Variants in ANO10 observed in about 807,000 individuals in gnomAD.
ANO10 encodes the protein anoctamin-10.
ANO10 carries 77 observed loss-of-function variants against 74.7 expected under a neutral mutation model. The ratio of observed to expected loss-of-function variants is 1.03; its 90% confidence interval spans 0.86 to 1.25. ANO10 has a LOEUF of 1.25. Ranked by LOEUF, ANO10 falls within the 50% of genes most tolerant of loss-of-function variation. ANO10 has a pLI of 0.00. For missense variants in ANO10, 721 were observed against 778.1 expected, an observed-to-expected ratio of 0.93 and a Z score of 0.87; for synonymous variants, 279 against 284.9, an observed-to-expected ratio of 0.98 and a Z score of 0.21.
rs753088340 is a variant in ANO10, at chr3:43,555,476, A to C, written c.1477-7T>G. 6.2e-7 allele frequency: 1 copy of C among 1,613,746 alleles called. No homozygotes were observed. The highest frequency in any genetic ancestry group is 8.5e-7 in the Non-Finnish European group (1 of 1,179,720). ...AGTAATCATCAAAGGTGCCCTGAAA[A>C]TATAAACAAGCATGCATTATTTTAA... On this transcript the variant is annotated splice_region_variant and splice_polypyrimidine_tract_variant and intron_variant, in intron 9 of 12. Transcript: ENST00000292246.
At position 43,652,811 on chromosome 3, in the gene ANO10, T is replaced by C. The variant is rs2083803026; in HGVS notation, c.-12+38706A>G. ...TATACTTGATTATAAATTATTTTTA[T>C]AATTTCTATATTAAAAATACTGTTA... On this transcript the variant is annotated intron_variant, in intron 1 of 3. Transcript: ENST00000413397. 2.0e-5 allele frequency: 3 copies of C among 152,012 alleles called. No homozygotes were observed. In the South Asian group the frequency reaches 6.2e-4, roughly 31 times the overall value. The allele number at this position is 152,012 out of a possible 1,614,324, so 9.4% of individuals were successfully genotyped here. A position where few individuals can be genotyped will look rare whatever the true frequency, so the allele number is the denominator to read the frequency against.
At chr3:43,679,708 A>T (rs1044062331) in intron 1 of ANO10, among the ~76,000 whole-genome samples, 5 of 152,198 alleles carry the variant, frequency 3.3e-5, no homozygotes, top group Admixed American at 1.3e-4. Context: ...GCAGACTGTC[A>T]CTTCACACGG....
chr3:43,513,011 G>A (rs929107253), intron 11 of ANO10, among the ~76,000 whole-genome samples: 39 of 152,186 alleles, frequency 2.6e-4, no homozygotes, highest in African/African-American at 9.4e-4. Context: ...GGCACCAGCT[G>A]TTTGCAGGAA....
chr3:43,532,298 A>T (rs1359442649), intron 11 of ANO10, among the ~76,000 whole-genome samples: 1 of 152,188 alleles, frequency 6.6e-6, no homozygotes, highest in Admixed American at 6.5e-5. Context: ...CTTTCCAAAG[A>T]TTAGGGGAGA....
intron 11 of ANO10, among the ~76,000 whole-genome samples, chr3:43,483,725 G>A (rs998582145): frequency 2.6e-5 from 4 of 152,124 alleles, no homozygotes; most frequent in African/African-American, 7.2e-5. Flanking sequence ...TACATTTTAG[G>A]GAGACAGAAG....
At chr3:43,424,381 T>C (rs928560101) in intron 12 of ANO10, 3 of 152,244 alleles carry the variant, frequency 2.0e-5, no homozygotes, top group Admixed American at 6.5e-5. Context: ...AACAGTCCTT[T>C]CCTGAAACAA....
intron 4 of ANO10, among the ~76,000 whole-genome samples, chr3:43,587,130 G>A (rs780277654): frequency 2.2e-4 from 33 of 152,032 alleles, no homozygotes; most frequent in Admixed American, 3.9e-4. Context: ...AAAAAATAAC[G>A]TCAAGACATA....
intron 6 of ANO10, 93 bp from the exon 7 acceptor site, chr3:43,574,957 T>A: frequency 1.0e-6 from 1 of 981,042 alleles, no homozygotes; most frequent in South Asian, 1.3e-5. Flanking sequence ...AGGGCGGAGA[T>A]GTCCAACATC....
At chr3:43,644,702 G>C (rs1181384990) in intron 1 of ANO10, among the ~76,000 whole-genome samples, 1 of 152,234 alleles carries the variant, frequency 6.6e-6, no homozygotes, top group East Asian at 1.9e-4. Flanking sequence ...TTTGGCAGGT[G>C]CTGCAGTGTG....
intron 7 of ANO10, among the ~76,000 whole-genome samples, chr3:43,573,621 G>A (rs2080850406): frequency 1.3e-5 from 2 of 152,058 alleles, no homozygotes; most frequent in South Asian, 4.1e-4. Context: ...AGATGACTGA[G>A]GTAAACCCCC....
At chr3:43,646,520 G>A (rs9856765) in intron 1 of ANO10, among the ~76,000 whole-genome samples, 7,522 of 152,210 alleles carry the variant, frequency 0.049, 216 homozygotes, top group Non-Finnish European at 0.059. Flanking sequence ...TGCTGAGTCA[G>A]TAGTCTCTAC....
At chr3:43,367,272 C>T (rs941646982) in intron 12 of ANO10, among the ~76,000 whole-genome samples, 7 of 152,312 alleles carry the variant, frequency 4.6e-5, no homozygotes, top group Non-Finnish European at 5.9e-5. Context: ...GGGGAATAGG[C>T]GGACAGGGCC....
chr3:43,659,465 G>A (rs2083895743), intron 1 of ANO10, among the ~76,000 whole-genome samples: 1 of 152,222 alleles, frequency 6.6e-6, no homozygotes, highest in Non-Finnish European at 1.5e-5. Flanking sequence ...TAACACAGCA[G>A]TCTGAGATCA....
intron 12 of ANO10, chr3:43,424,677 C>T (rs983319609): frequency 1.3e-5 from 2 of 152,186 alleles, no homozygotes; most frequent in African/African-American, 4.8e-5. Flanking sequence ...TCCCTGGCCC[C>T]CTACCCACCA....
chr3:43,655,179 A>C (rs1237848424), intron 1 of ANO10, among the ~76,000 whole-genome samples: 3 of 152,192 alleles, frequency 2.0e-5, no homozygotes, highest in African/African-American at 7.2e-5. Context: ...CTTTACAGGT[A>C]ATAGCCAAAG....
intron 1 of ANO10, among the ~76,000 whole-genome samples, chr3:43,685,721 G>A (rs900575000): frequency 3.9e-5 from 6 of 152,224 alleles, no homozygotes; most frequent in Admixed American, 3.3e-4. Context: ...ATTGATGAGC[G>A]AATTGATCAC....
chr3:43,544,213 A>G (rs569992009), intron 11 of ANO10, among the ~76,000 whole-genome samples: 1 of 152,266 alleles, frequency 6.6e-6, no homozygotes, highest in Non-Finnish European at 1.5e-5. Flanking sequence ...TAATCTTGAG[A>G]GCTGAACTTT....
At chr3:43,650,708 C>A (rs935485746) in intron 1 of ANO10, among the ~76,000 whole-genome samples, 1 of 152,170 alleles carries the variant, frequency 6.6e-6, no homozygotes, top group Non-Finnish European at 1.5e-5. Flanking sequence ...CTGTTTTGAA[C>A]ATTTCCCCAT....
At chr3:43,612,431 T>C (rs576214576) in intron 1 of ANO10, among the ~76,000 whole-genome samples, 1 of 152,140 alleles carries the variant, frequency 6.6e-6, no homozygotes, top group East Asian at 1.9e-4. Context: ...CCAGTTTCCC[T>C]GCCTTTCTCA....
Sources: gnomAD v4.1 joint callset for allele counts (sites outside exome capture counted in the v4.1 genomes callset) on GRCh38, gnomAD v4.1.1 for gene constraint, MANE v1.5 for transcripts, NCBI Gene and HGNC (gene_info 2026-07-23, HGNC 2026-07-21) for gene names.